The following SPATA21 variants were observed in gnomAD, a reference collection of about 807,000 sequenced individuals.
SPATA21 encodes spermatogenesis associated 21.
A neutral mutation model predicts 54.8 loss-of-function variants in SPATA21; 47 were observed. The observed-to-expected ratio is 0.86, with a 90% confidence interval of 0.68 to 1.09. The LOEUF (loss-of-function observed/expected upper bound fraction) is 1.09. Ranked by LOEUF, SPATA21 falls within the 50% of genes least tolerant of loss-of-function variation. SPATA21 has a pLI of 0.00. For missense variants in SPATA21, 599 were observed against 596.4 expected (o/e 1.00, Z -0.05); for synonymous variants, 245 against 235.3 (o/e 1.04, Z -0.38).
intron 3 of SPATA21, among the ~76,000 whole-genome samples, chr1:16,422,944 C>G (rs952215755): frequency 6.6e-6 from 1 of 152,128 alleles, no homozygotes; most frequent in African/African-American, 2.4e-5. Flanking sequence ...GCAGGTGGAT[C>G]ACTTGAAGTC....
At chr1:16,401,213 G>A (rs2085436504) in intron 10 of SPATA21, among the ~76,000 whole-genome samples, 1 of 152,210 alleles carries the variant, frequency 6.6e-6, no homozygotes, top group Non-Finnish European at 1.5e-5. Context: ...TAAATAACAA[G>A]GATGAATTAA....
At chr1:16,432,108 CTTCTTCT>C in intron 2 of SPATA21, among the ~76,000 whole-genome samples, 3 of 136,378 alleles carry the variant, frequency 2.2e-5, no homozygotes, top group Middle Eastern at 7.8e-3. Flanking sequence ...TCTTCTTCTT[CTTCTTCT>C]TTTTTTTTTT....
chr1:16,417,511 T>C (rs1264254430), intron 5 of SPATA21, among the ~76,000 whole-genome samples: 33 of 151,404 alleles, frequency 2.2e-4, no homozygotes, highest in Non-Finnish European at 8.8e-5. Context: ...CGATCTTGGC[T>C]CACTGCAACC....
intron 5 of SPATA21, chr1:16,410,839 C>T (rs1229483339): frequency 1.7e-5 from 7 of 401,278 alleles, no homozygotes; most frequent in Non-Finnish European, 3.5e-5. Context: ...TTCCACCGCG[C>T]CCGGCTGAGC....
At chr1:16,437,687 A>C (rs1027274987), upstream of SPATA21, among the ~76,000 whole-genome samples, 5 of 151,878 alleles carry the variant, frequency 3.3e-5, no homozygotes, top group African/African-American at 1.2e-4. Context: ...CATCCCAGTG[A>C]CCCCAGTACT....
intron 5 of SPATA21, among the ~76,000 whole-genome samples, chr1:16,413,385 G>C (rs767472494): frequency 6.6e-6 from 1 of 152,134 alleles, no homozygotes; most frequent in South Asian, 2.1e-4. Context: ...TCTATTGTAC[G>C]TACAGACCAC....
Position 16,399,399 on chromosome 1 carries a change from CA to C in SPATA21, c.1296del (p.Gly433AlafsTer43), listed in dbSNP as rs753310685. The C allele has an allele frequency of 8.7e-6, 14 of 1,613,926 alleles. No homozygotes were observed. The highest frequency in any genetic ancestry group is 1.7e-5 in the Admixed American group (1 of 59,998). Reference protein sequence around the residue: ...NHYALDQCTPPGLDPDIRSPF... With the variant: ...NHYALDQCTPXGLDPDIRSPF... ...GGGCTGCGGATGTCAGGATCCAGGC[CA>C]GGGGGTGTGCACTGGTCTAGTGCAT... On this transcript the variant is annotated frameshift_variant, in exon 12 of 13. Transcript: ENST00000335496. LOFTEE classifies it high-confidence loss of function.
chr1:16,398,543 C>T (rs2085350997), downstream of SPATA21: 5 of 565,334 alleles, frequency 8.8e-6, no homozygotes, highest in Admixed American at 1.5e-4. Flanking sequence ...GCAGAAATCC[C>T]AACCCCGCGC....
chr1:16,421,761 C>T lies in SPATA21; in HGVS notation c.95+150G>A. On this transcript the variant is annotated intron_variant, in intron 4 of 12. Transcript: ENST00000335496. The surrounding 1 kb of genome is among the most constrained non-coding windows in gnomAD (Gnocchi z 5.2). ...GAATTCTGGTATTCCAGCCATTACA[C>T]AGATGGGGAAATTGAGACCCAGCGG... The T allele has an allele frequency of 1.5e-6, 2 of 1,293,414 alleles. No individual in the cohort carries two copies. The highest frequency in any genetic ancestry group is 2.2e-6 in the Non-Finnish European group (2 of 908,210). The allele number at this position is 1,293,414 out of a possible 1,614,324, so 80.1% of individuals were successfully genotyped here.
downstream of SPATA21, chr1:16,397,880 A>G (rs948626911): frequency 2.2e-5 from 9 of 408,114 alleles, no homozygotes; most frequent in African/African-American, 1.9e-4. The surrounding 1 kb of genome is among the most constrained non-coding windows in gnomAD (Gnocchi z 5.4). Flanking sequence ...ATGGGCTGGC[A>G]GGGCTGTACC....
chr1:16,420,911 C>A (rs1268216044), intron 5 of SPATA21, among the ~76,000 whole-genome samples: 1 of 152,066 alleles, frequency 6.6e-6, no homozygotes, highest in Non-Finnish European at 1.5e-5. Context: ...GAAAGTGAAA[C>A]CCATCAATAA....
Position 16,409,472 on chromosome 1 carries a change from T to A in SPATA21, c.587+129A>T. 1 of 999,112 alleles carries A rather than the reference T, an allele frequency of 1.0e-6. No homozygotes were observed. The highest frequency in any genetic ancestry group is 1.5e-6 in the Non-Finnish European group (1 of 686,970). The allele number at this position is 999,112 out of a possible 1,614,324, so 61.9% of individuals were successfully genotyped here. ...ATGGGAGATGCGGAGAGGAGACACA[T>A]GAGGAGAAATGGAGAGAGGGGGACA... On this transcript the variant is annotated intron_variant, in intron 6 of 12. Coordinates refer to ENST00000335496, the MANE Select transcript of SPATA21 (RefSeq NM_198546.1). This position sits in a 1 kb window ranked among gnomAD's most constrained non-coding sequence, Gnocchi z 4.1.
At chr1:16,400,362 T>G in intron 11 of SPATA21, 226 of 788,290 alleles carry the variant, frequency 2.9e-4, no homozygotes, top group Non-Finnish European at 3.4e-4. Context: ...TACATGATTA[T>G]GAGTATTAAA....
chr1:16,429,516 C>G (rs369731076), intron 3 of SPATA21, among the ~76,000 whole-genome samples: 14 of 151,822 alleles, frequency 9.2e-5, no homozygotes, highest in African/African-American at 3.4e-4. Context: ...CTCTTGTTGC[C>G]CAGGCTGGAG....
At chr1:16,408,290 C>T (rs927919532) in intron 7 of SPATA21, among the ~76,000 whole-genome samples, 9 of 152,094 alleles carry the variant, frequency 5.9e-5, no homozygotes, top group African/African-American at 2.2e-4. Flanking sequence ...CAATAGAGAG[C>T]AGGGTAGGTG....
chr1:16,404,888 G>T, intron 8 of SPATA21, 79 bp downstream of exon 8: 2 of 1,404,408 alleles, frequency 1.4e-6, no homozygotes, highest in Admixed American at 5.7e-5. Flanking sequence ...TAGGTGCAGA[G>T]CCTCATGCAA....
Position 16,428,234 on chromosome 1 carries a change from G to A in SPATA21, c.34+3104C>T, listed in dbSNP as rs2086370738. Among the ~76,000 whole-genome samples, 1 of 152,154 alleles carries A rather than the reference G, an allele frequency of 6.6e-6. No individual in the cohort carries two copies. The highest frequency in any genetic ancestry group is 2.1e-4 in the South Asian group (1 of 4,822). ...CTGTTGCTTAGCACGTAAGGCTCTG[G>A]TATGAACTGGAGTCCAGATTAGTAC... On this transcript the variant is annotated intron_variant, in intron 3 of 12. Transcript: ENST00000335496. This position sits in a 1 kb window ranked among gnomAD's most constrained non-coding sequence, Gnocchi z 4.3.
Position 16,421,933 on chromosome 1 carries a change from C to T in SPATA21, c.73G>A (p.Gly25Arg). 6.2e-7 allele frequency: 1 copy of T among 1,614,132 alleles called. No homozygotes were observed. The highest frequency in any genetic ancestry group is 8.5e-7 in the Non-Finnish European group (1 of 1,180,018). Reference protein sequence around the residue: ...TVNPFLPSTPGPKKAKGGGEA... With the variant: ...TVNPFLPSTPRPKKAKGGGEA... ...TACCCTCCTTTTGCTTTTTTAGGTC[C>T]AGGCGTGGATGGCAGGAAGGGGTTG... Residue 25 changes from glycine to arginine, a missense_variant, in exon 4 of 13, where the codon GGA becomes AGA. Coordinates refer to ENST00000335496, the MANE Select transcript of SPATA21 (RefSeq NM_198546.1). The surrounding 1 kb of genome is among the most constrained non-coding windows in gnomAD (Gnocchi z 5.2).
At chr1:16,418,180 A>G (rs1292292096) in intron 5 of SPATA21, among the ~76,000 whole-genome samples, 1 of 152,236 alleles carries the variant, frequency 6.6e-6, no homozygotes, top group Non-Finnish European at 1.5e-5. Context: ...TCTCCCCCAC[A>G]GTATCCAGCC....
Sources: gnomAD v4.1 joint callset for allele counts (sites outside exome capture counted in the v4.1 genomes callset) on GRCh38, gnomAD v4.1.1 for gene constraint, Gnocchi (gnomAD v3.1) non-coding constraint, MANE v1.5 for transcripts, NCBI Gene and HGNC (gene_info 2026-07-23, HGNC 2026-07-21) for gene names.